GLCE: variants seen among roughly 807,000 people sequenced by gnomAD.
GLCE encodes D-glucuronyl C5-epimerase.
In GLCE, 19 loss-of-function variants were observed where a neutral mutation model predicts 47.9. The observed-to-expected ratio is 0.40, with a 90% confidence interval of 0.28 to 0.58. The LOEUF is 0.58. Among genes scored for constraint, GLCE ranks in the 20% least tolerant of loss-of-function variants. The pLI, the probability that GLCE is intolerant of heterozygous loss-of-function variation, is 0.48. For missense variants in GLCE, 556 were observed against 743.3 expected (o/e 0.75, Z 2.93); for synonymous variants, 245 against 263.4 (o/e 0.93, Z 0.68).
rs1369610636 is a variant in GLCE, at chr15:69,271,705, A to G, written c.*2461A>G. The G allele has an allele frequency of 6.6e-6, 1 of 152,324 alleles. No homozygotes were observed. The highest frequency in any genetic ancestry group is 2.4e-5 in the African/African-American group (1 of 41,392). 9.4% of individuals were successfully genotyped at this position (152,324 alleles called of 1,614,324 possible). A position where few individuals can be genotyped will look rare whatever the true frequency, so the allele number is the denominator to read the frequency against. The stretch of plus-strand genomic sequence containing the variant: ...TATCTTGAGTTCACTTTGATGTTAA[A>G]TCTATTGCTACTTCAGTTGTAAAAC... On this transcript the variant is annotated 3_prime_UTR_variant, in exon 5 of 5. Coordinates refer to ENST00000261858, the MANE Select transcript of GLCE (RefSeq NM_015554.3).
chr15:69,262,269 A>G (rs1013138773), intron 4 of GLCE, among the ~76,000 whole-genome samples: 1 of 152,190 alleles, frequency 6.6e-6, no homozygotes, highest in Admixed American at 6.5e-5. Flanking sequence ...TTTAATTTTT[A>G]TTCTGTCACT....
At chr15:69,182,754 G>A (rs961550750) in intron 1 of GLCE, among the ~76,000 whole-genome samples, 1 of 152,088 alleles carries the variant, frequency 6.6e-6, no homozygotes, top group African/African-American at 2.4e-5. Context: ...TGCCTCATGT[G>A]TGTAATCCTA....
In GLCE at chr15:69,226,889, C is replaced by T. The variant is rs938546538; in HGVS notation, c.-14+16483C>T. Among the ~76,000 whole-genome samples the T allele has an allele frequency of 5.6e-4, 85 of 151,666 alleles. 1 individual carries two copies. Among genetic ancestry groups the T allele is most frequent in the Admixed American group, 5.5e-3 (84 of 15,232 alleles). On this transcript the variant is annotated intron_variant, in intron 2 of 4. Coordinates refer to ENST00000261858, the MANE Select transcript of GLCE (RefSeq NM_015554.3). Reference sequence around the variant, plus strand: ...CCTCCTGAGTAGCTGGGATTACAGGCGCCCACCACCACACTCAGCTAATTT... The same window carrying T: ...CCTCCTGAGTAGCTGGGATTACAGGTGCCCACCACCACACTCAGCTAATTT...
At chr15:69,247,086 A>G (rs1246392170) in intron 2 of GLCE, among the ~76,000 whole-genome samples, 1 of 152,226 alleles carries the variant, frequency 6.6e-6, no homozygotes, top group Non-Finnish European at 1.5e-5. Flanking sequence ...CACCAGTTGC[A>G]TTAGCCCCTA....
intron 2 of GLCE, among the ~76,000 whole-genome samples, chr15:69,216,350 CT>C (rs893660815): frequency 3.3e-5 from 5 of 152,000 alleles, no homozygotes; most frequent in African/African-American, 1.2e-4. Flanking sequence ...TATGGACAAA[CT>C]TTGGTATGTT....
intron 2 of GLCE, among the ~76,000 whole-genome samples, chr15:69,217,723 G>C (rs2052324999): frequency 6.6e-6 from 1 of 152,158 alleles, no homozygotes; most frequent in African/African-American, 2.4e-5. Flanking sequence ...CTGTTCTTTG[G>C]TTGACTCTGA....
At chr15:69,220,566 A>G (rs1246706996) in intron 2 of GLCE, among the ~76,000 whole-genome samples, 1 of 152,018 alleles carries the variant, frequency 6.6e-6, no homozygotes, top group African/African-American at 2.4e-5. Flanking sequence ...TTCTTGGCCA[A>G]TTATGTGTAT....
rs1461181763 is a variant in GLCE, at chr15:69,272,183, A to C, written c.*2939A>C. On this transcript the variant is annotated 3_prime_UTR_variant, in exon 5 of 5. Transcript: ENST00000261858. ...GTAAAGCCGCTTTATAAAACTGTAA[A>C]ATAAAGTTTTTTTCTTAAAAAGAAT... 1 of 152,604 alleles carries C rather than the reference A, an allele frequency of 6.6e-6. No individual in the cohort carries two copies. The allele number at this position is 152,604 out of a possible 1,614,324, so 9.5% of individuals were successfully genotyped here. A position where few individuals can be genotyped will look rare whatever the true frequency, so the allele number is the denominator to read the frequency against.
intron 1 of GLCE, among the ~76,000 whole-genome samples, chr15:69,191,688 T>C (rs1421663610): frequency 6.6e-6 from 1 of 152,140 alleles, no homozygotes; most frequent in African/African-American, 2.4e-5. Flanking sequence ...GTTCAGAATA[T>C]TGTTTGCATA....
At chr15:69,248,186 A>G (rs781061130) in intron 2 of GLCE, among the ~76,000 whole-genome samples, 12 of 152,192 alleles carry the variant, frequency 7.9e-5, no homozygotes, top group Non-Finnish European at 1.6e-4. Context: ...ACTTGTTTAT[A>G]TTACTGGAAG....
At chr15:69,232,788 A>G (rs769687131) in intron 2 of GLCE, among the ~76,000 whole-genome samples, 94 of 152,332 alleles carry the variant, frequency 6.2e-4, no homozygotes, top group Non-Finnish European at 1.0e-3. Context: ...CAAGGGGGAA[A>G]AATCTATTCA....
At chr15:69,243,359 A>G (rs1355337494) in intron 2 of GLCE, among the ~76,000 whole-genome samples, 2 of 152,162 alleles carry the variant, frequency 1.3e-5, no homozygotes, top group African/African-American at 4.8e-5. Context: ...GGCTAATAAA[A>G]TTAGCTTTCC....
chr15:69,182,424 C>A (rs2051763884), intron 1 of GLCE, among the ~76,000 whole-genome samples: 1 of 151,834 alleles, frequency 6.6e-6, no homozygotes, highest in South Asian at 2.1e-4. Context: ...CAGCCACATG[C>A]AGCTCTGTAG....
chr15:69,226,964 C>T (rs1418745796), intron 2 of GLCE, among the ~76,000 whole-genome samples: 4 of 151,828 alleles, frequency 2.6e-5, no homozygotes, highest in African/African-American at 4.8e-5. Flanking sequence ...AGGCTGGTCT[C>T]GACCTCCTGA....
chr15:69,218,242 G>T (rs2052333817), intron 2 of GLCE, among the ~76,000 whole-genome samples: 1 of 151,892 alleles, frequency 6.6e-6, no homozygotes, highest in Non-Finnish European at 1.5e-5. Context: ...AGGCACAGTG[G>T]CTCATTCCTG....
intron 1 of GLCE, among the ~76,000 whole-genome samples, chr15:69,201,677 A>G: frequency 6.7e-6 from 1 of 149,798 alleles, no homozygotes; most frequent in Non-Finnish European, 1.5e-5. Flanking sequence ...TTTTCTTTGC[A>G]TTGAGTTAGA....
At chr15:69,239,049 G>C (rs1237098878) in intron 2 of GLCE, among the ~76,000 whole-genome samples, 1 of 152,162 alleles carries the variant, frequency 6.6e-6, no homozygotes, top group Non-Finnish European at 1.5e-5. Context: ...GAGACTGTGG[G>C]TTTCCTCCCA....
In GLCE at chr15:69,256,119, G is replaced by A; in HGVS notation, c.313G>A (p.Glu105Lys). ...AAGTAAGGTGTTAGGGCTCAAATAT[G>A]AAGAAATTGACTGTCTCATAAATGA... is the stretch of plus-strand genomic sequence containing the variant. ...VGSKVLGLKY[E>K]EIDCLINDEH... is the part of the protein sequence containing the mutation. Residue 105 changes from glutamate to lysine, a missense_variant, in exon 3 of 5, where the codon GAA (glutamate) becomes AAA (lysine). Transcript: ENST00000261858. 1.9e-6 allele frequency: 3 copies of A among 1,614,102 alleles called. No individual in the cohort carries two copies. The highest frequency in any genetic ancestry group is 1.7e-6 in the Non-Finnish European group (2 of 1,179,986).
intron 2 of GLCE, among the ~76,000 whole-genome samples, chr15:69,247,109 T>C (rs2052762015): frequency 6.6e-6 from 1 of 152,222 alleles, no homozygotes; most frequent in Non-Finnish European, 1.5e-5. Flanking sequence ...GAGAGTCAGC[T>C]GGTGCTTTGA....
Sources: allele counts gnomAD v4.1 joint callset (sites outside exome capture counted in the v4.1 genomes callset), GRCh38; gene constraint gnomAD v4.1.1; transcripts MANE v1.5; gene names NCBI Gene and HGNC (gene_info 2026-07-23, HGNC 2026-07-21).